Variants in GLIPR1 observed in about 807,000 individuals in gnomAD.
The protein encoded by GLIPR1 is GLI pathogenesis related 1.
GLIPR1 carries 38 observed loss-of-function variants against 30.3 expected under a neutral mutation model. The observed-to-expected ratio is 1.26, with a 90% CI of 0.97 to 1.65. The LOEUF is 1.65. Ranked by LOEUF, GLIPR1 falls within the 40% of genes most tolerant of loss-of-function variation. GLIPR1 has a pLI of 0.00. For synonymous variants in GLIPR1, 122 were observed against 110.6 expected (o/e 1.10, Z -0.65); for missense variants, 285 against 326.5 (o/e 0.87, Z 0.98).
At chr12:75,497,707 A>T (rs953499426) in intron 4 of GLIPR1, 1 of 152,076 alleles carries the variant, frequency 6.6e-6, no homozygotes, top group Non-Finnish European at 1.5e-5. Context: ...TGGAGCATAA[A>T]TTCCTTCGTG....
intron 4 of GLIPR1, chr12:75,497,206 T>C (rs1282032738): frequency 6.6e-6 from 1 of 152,148 alleles, no homozygotes; most frequent in Non-Finnish European, 1.5e-5. Context: ...AAAAAATGTT[T>C]CCCTTTAAAA....
intron 2 of GLIPR1, 87 bp downstream of exon 2, chr12:75,482,166 AT>A: frequency 7.3e-6 from 8 of 1,102,538 alleles, no homozygotes; most frequent in Non-Finnish European, 1.1e-5. Flanking sequence ...AATGTATAGT[AT>A]GCTAGTATAC....
rs1340818735 is a variant in GLIPR1, at chr12:75,481,022, G to T, written c.142G>T (p.Val48Leu). The T allele has an allele frequency of 2.5e-6, 4 of 1,613,720 alleles. No homozygotes were observed. Among genetic ancestry groups the T allele is most frequent in the Middle Eastern group, 1.7e-4 (1 of 6,058 alleles). The change falls in exon 1 of 6, where the codon GTG (valine) becomes TTG (leucine). Residue 48 changes from valine to leucine, a missense_variant. Transcript: ENST00000266659. ...AATCCATAACAAGTTCCGATCAGAG[G>T]TGAAACCAACAGCCAGTGATATGCT... ...VRIHNKFRSE[V>L]KPTASDMLYM...
chr12:75,503,789 C>T lies in GLIPR1; in HGVS notation c.*4811C>T. ...TCAGTTTCTTATAGCTCTGCACACACACACACAATATATATATATACACAT... is the reference window on the plus strand; with the variant it reads ...TCAGTTTCTTATAGCTCTGCACACATACACACAATATATATATATACACAT... On this transcript the variant is annotated 3_prime_UTR_variant, in exon 6 of 6. Coordinates refer to ENST00000266659, the MANE Select transcript of GLIPR1 (RefSeq NM_006851.3). 1.1e-6 allele frequency: 1 copy of T among 942,824 alleles called. No individual in the cohort carries two copies. Among genetic ancestry groups the T allele is most frequent in the Non-Finnish European group, 1.6e-6 (1 of 636,752 alleles). The allele number at this position is 942,824 out of a possible 1,614,324, so 58.4% of individuals were successfully genotyped here.
rs762497177 is a variant in GLIPR1, at chr12:75,495,601, T to C, written c.558T>C (p.Tyr186=). ...GPGGNYPTWP[Y]KRGATCSACP... Reference sequence around the variant, plus strand: ...GAGGGAATTACCCAACTTGGCCATATAAGAGAGGAGCCACCTGCAGTGCCT... The same window carrying C: ...GAGGGAATTACCCAACTTGGCCATACAAGAGAGGAGCCACCTGCAGTGCCT... The change falls in exon 4 of 6, where the codon TAT becomes TAC. Residue 186 remains tyrosine, a synonymous_variant. Transcript: ENST00000266659. The C allele has an allele frequency of 2.5e-6, 4 of 1,609,608 alleles. No individual in the cohort carries two copies. The highest frequency in any genetic ancestry group is 3.4e-6 in the Non-Finnish European group (4 of 1,175,958).
At chr12:75,491,726 CTATT>C (rs1243066331) in intron 3 of GLIPR1, 3 of 151,974 alleles carry the variant, frequency 2.0e-5, no homozygotes, top group South Asian at 2.1e-4. Flanking sequence ...ACATAATTGT[CTATT>C]TATATTCCTT....
intron 2 of GLIPR1, among the ~76,000 whole-genome samples, chr12:75,488,845 TCA>T (rs1566096916): frequency 6.6e-6 from 1 of 152,160 alleles, no homozygotes; most frequent in African/African-American, 2.4e-5. Context: ...CACTGCCTAT[TCA>T]CAGTGGTCAA....
At chr12:75,485,293 G>A (rs2046288267) in intron 2 of GLIPR1, among the ~76,000 whole-genome samples, 1 of 152,152 alleles carries the variant, frequency 6.6e-6, no homozygotes, top group African/African-American at 2.4e-5. Flanking sequence ...TGTCTTCACT[G>A]GAGATAGACT....
rs199814144 is a variant in GLIPR1, at chr12:75,495,563, C to T, written c.534-14C>T. The T allele has an allele frequency of 2.1e-5, 31 of 1,506,990 alleles. No homozygotes were observed. Among genetic ancestry groups the T allele is most frequent in the Non-Finnish European group, 2.8e-5 (30 of 1,083,584 alleles). The allele number at this position is 1,506,990 out of a possible 1,614,324, so 93.4% of individuals were successfully genotyped here. On this transcript the variant is annotated splice_polypyrimidine_tract_variant and intron_variant, in intron 3 of 5. Transcript: ENST00000266659. ...CGAAAAACTTCTAATGGACATCCTT[C>T]TTCTGCTTTACAGAGGGAATTACCC...
intron 4 of GLIPR1, chr12:75,498,463 T>C (rs1286085791): frequency 1.6e-5 from 7 of 438,516 alleles, no homozygotes; most frequent in Non-Finnish European, 2.4e-5. Context: ...ATAGTAATGG[T>C]ATAGTTTCCT....
chr12:75,494,196 G>A (rs1434666116), intron 3 of GLIPR1: 1 of 152,214 alleles, frequency 6.6e-6, no homozygotes, highest in Non-Finnish European at 1.5e-5. Context: ...AAAGTTGTGT[G>A]TCTAAGGTGA....
At chr12:75,493,806 T>G (rs1369957335) in intron 3 of GLIPR1, 1 of 152,180 alleles carries the variant, frequency 6.6e-6, no homozygotes, top group Non-Finnish European at 1.5e-5. Flanking sequence ...GCCTTTCCAG[T>G]AGCATGTTTC....
chr12:75,498,649 G>GT, intron 4 of GLIPR1, 45 bp from the exon 5 acceptor site: 1 of 1,518,584 alleles, frequency 6.6e-7, no homozygotes, highest in South Asian at 1.1e-5. Flanking sequence ...TCTCAACTGT[G>GT]TCTACCCTTT....
At chr12:75,491,117 T>C (rs1280706499) in intron 3 of GLIPR1, 2 of 152,234 alleles carry the variant, frequency 1.3e-5, no homozygotes, top group African/African-American at 4.8e-5. Context: ...CACTTAAAAT[T>C]ATGCTGTGAA....
Position 75,480,906 on chromosome 12 carries a change from C to T in GLIPR1, c.26C>T (p.Ala9Val), listed in dbSNP as rs539566201. 9.3e-6 allele frequency: 15 copies of T among 1,613,258 alleles called. No individual in the cohort carries two copies. In the South Asian group the frequency reaches 1.5e-4, roughly 17 times the overall value. The change falls in exon 1 of 6, where the codon GCC becomes GTC. Residue 9 changes from alanine to valine, a missense_variant. Physicochemically the swap from Ala to Val is moderately conservative, Grantham distance 64 (BLOSUM62 0). Coordinates refer to ENST00000266659, the MANE Select transcript of GLIPR1 (RefSeq NM_006851.3). MRVTLATI[A>V]WMVSFVSNYS... ...ATGCGTGTCACACTTGCTACAATAG[C>T]CTGGATGGTTTCTTTTGTCTCCAAT...
At chr12:75,489,019 G>A (rs561905287) in intron 2 of GLIPR1, among the ~76,000 whole-genome samples, 43 of 152,276 alleles carry the variant, frequency 2.8e-4, no homozygotes, top group Admixed American at 1.7e-3. Context: ...ATTTGGTACT[G>A]CTGTAAAAAT....
chr12:75,488,398 A>G (rs1217380529), intron 2 of GLIPR1, among the ~76,000 whole-genome samples: 4 of 152,218 alleles, frequency 2.6e-5, no homozygotes, highest in South Asian at 4.1e-4. Flanking sequence ...TTAGCCGGGC[A>G]TGGTGGCACA....
intron 2 of GLIPR1, among the ~76,000 whole-genome samples, chr12:75,487,015 A>T (rs1181857640): frequency 6.6e-6 from 1 of 152,248 alleles, no homozygotes; most frequent in Non-Finnish European, 1.5e-5. Flanking sequence ...AACACACAAA[A>T]TGAATGGTAA....
chr12:75,499,651 A>G lies in GLIPR1; in HGVS notation c.*673A>G. 1 of 393,990 alleles carries G rather than the reference A, an allele frequency of 2.5e-6. No individual in the cohort carries two copies. Among genetic ancestry groups the G allele is most frequent in the Non-Finnish European group, 4.4e-6 (1 of 228,938 alleles). 24.4% of individuals were successfully genotyped at this position (393,990 alleles called of 1,614,324 possible). On this transcript the variant is annotated 3_prime_UTR_variant, in exon 6 of 6. Coordinates refer to ENST00000266659, the MANE Select transcript of GLIPR1 (RefSeq NM_006851.3). ...TATAAATTTTTCAAAAAATACAATAATAATATAATTTATAAAGAACACTCT... is the reference window on the plus strand; with the variant it reads ...TATAAATTTTTCAAAAAATACAATAGTAATATAATTTATAAAGAACACTCT...
Sources: gnomAD v4.1 joint callset for allele counts (sites outside exome capture counted in the v4.1 genomes callset) on GRCh38, gnomAD v4.1.1 for gene constraint, MANE v1.5 for transcripts, NCBI Gene and HGNC (gene_info 2026-07-23, HGNC 2026-07-21) for gene names.